VPS13B: variants seen among roughly 807,000 people sequenced by gnomAD.
VPS13B encodes the protein intermembrane lipid transfer protein VPS13B.
Under a neutral mutation model 426.4 loss-of-function variants are expected in VPS13B, and 285 were observed. The observed-to-expected ratio is 0.67, with a 90% CI of 0.61 to 0.74. The LOEUF (loss-of-function observed/expected upper bound fraction) is 0.74. Ranked by LOEUF, VPS13B falls within the 30% of genes least tolerant of loss-of-function variation. The probability of loss-of-function intolerance (pLI) is 0.00; values close to 1 mark genes in which losing one functional copy is unlikely to be tolerated. For synonymous variants in VPS13B, 1,676 were observed against 1,676.4 expected (o/e 1.00, Z 0.01); for missense variants, 4,537 against 4,782.6 (o/e 0.95, Z 1.51).
At chr8:99,277,516 T>G (rs1326581171) in intron 19 of VPS13B, among the ~76,000 whole-genome samples, 1 of 152,184 alleles carries the variant, frequency 6.6e-6, no homozygotes, top group Non-Finnish European at 1.5e-5. Context: ...TGATTGATGT[T>G]ATAGACAAGT....
chr8:99,492,469 CAGAGGTGGAGTCTAG>C (rs1035107251), intron 25 of VPS13B, among the ~76,000 whole-genome samples: 8 of 152,228 alleles, frequency 5.3e-5, no homozygotes, highest in Non-Finnish European at 1.0e-4. Flanking sequence ...GCCCTGCCCA[CAGAGGTGGAGTCTAG>C]AGAGGCAGTA....
intron 33 of VPS13B, among the ~76,000 whole-genome samples, chr8:99,598,201 G>A (rs1033035935): frequency 2.0e-5 from 3 of 152,094 alleles, no homozygotes; most frequent in Non-Finnish European, 2.9e-5. Context: ...GTTCAGATCC[G>A]TTTTAGTCTG....
chr8:99,360,666 C>CT (rs1274037215), intron 19 of VPS13B, among the ~76,000 whole-genome samples: 2 of 151,990 alleles, frequency 1.3e-5, no homozygotes, highest in Non-Finnish European at 2.9e-5. Flanking sequence ...TATGATTATA[C>CT]TTTTTTCATG....
intron 19 of VPS13B, among the ~76,000 whole-genome samples, chr8:99,345,298 A>G (rs1227935225): frequency 6.6e-6 from 1 of 152,154 alleles, no homozygotes; most frequent in Non-Finnish European, 1.5e-5. Context: ...CTTCTAGAGC[A>G]AATCTGCCCA....
chr8:99,637,308 A>G (rs1829111781), intron 33 of VPS13B, among the ~76,000 whole-genome samples: 5 of 152,020 alleles, frequency 3.3e-5, no homozygotes, highest in Admixed American at 3.3e-4. Context: ...AATATGTCTC[A>G]AAATCATCAG....
intron 3 of VPS13B, 40 bp from the exon 4 acceptor site, chr8:99,096,272 G>T: frequency 1.2e-6 from 2 of 1,611,424 alleles, no homozygotes; most frequent in Non-Finnish European, 1.7e-6. Context: ...TCTTGAGTAT[G>T]ATCGATGGTT....
Position 99,642,137 on chromosome 8 carries a change from A to G in VPS13B, c.5547A>G (p.Ser1849=), listed in dbSNP as rs1379595802. ...QKNNEKTDKS[S]LNLPEVDSDV... ...ATAATGAAAAAACAGACAAGAGTTC[A>G]TTAAATCTCCCAGAAGTTGATTCAG... The change falls in exon 34 of 62, where the codon TCA becomes TCG. Residue 1849 remains serine, a synonymous_variant. Coordinates refer to ENST00000357162, the MANE Select transcript of VPS13B (RefSeq NM_152564.5). 1 of 1,614,220 alleles carries G rather than the reference A, an allele frequency of 6.2e-7. No individual in the cohort carries two copies. Among genetic ancestry groups the G allele is most frequent in the Non-Finnish European group, 8.5e-7 (1 of 1,180,036 alleles).
intron 8 of VPS13B, among the ~76,000 whole-genome samples, chr8:99,122,665 C>A (rs1455353704): frequency 6.6e-6 from 1 of 152,130 alleles, no homozygotes; most frequent in Non-Finnish European, 1.5e-5. Context: ...ATTCATTCAA[C>A]AAATATTTTC....
At chr8:99,251,762 G>A (rs1588175445) in intron 17 of VPS13B, among the ~76,000 whole-genome samples, 1 of 152,058 alleles carries the variant, frequency 6.6e-6, no homozygotes, top group East Asian at 1.9e-4. Context: ...AATTCTTTAA[G>A]ATTTGGTAGA....
chr8:99,149,980 G>A (rs920819278), intron 14 of VPS13B, among the ~76,000 whole-genome samples: 4 of 152,084 alleles, frequency 2.6e-5, no homozygotes, highest in Admixed American at 6.6e-5. Flanking sequence ...ATTAATCTCC[G>A]ATGCCAGAAA....
In VPS13B at chr8:99,558,979, T is replaced by C. The variant is rs111276877; in HGVS notation, c.4949+2326T>C. On this transcript the variant is annotated intron_variant, in intron 31 of 61. Coordinates refer to ENST00000357162, the MANE Select transcript of VPS13B (RefSeq NM_152564.5). ...TTCTAGTTCTAGATCCTTGAGGAAT[T>C]GCCACACTGTCTTCCACAATGGTTG... 4.7e-4 allele frequency among the ~76,000 whole-genome samples: 72 copies of C among 152,300 alleles called. 1 individual carries two copies. The highest frequency in any genetic ancestry group is 3.9e-3 in the South Asian group (19 of 4,826).
At chr8:99,620,434 T>A (rs554672364) in intron 33 of VPS13B, among the ~76,000 whole-genome samples, 7 of 152,120 alleles carry the variant, frequency 4.6e-5, no homozygotes, top group Non-Finnish European at 7.4e-5. Flanking sequence ...CAAAGTATAA[T>A]GAAATATGTA....
At chr8:99,054,242 G>C (rs1347153700) in intron 3 of VPS13B, among the ~76,000 whole-genome samples, 1 of 152,112 alleles carries the variant, frequency 6.6e-6, no homozygotes, top group African/African-American at 2.4e-5. Context: ...CTTTTTTCAG[G>C]AATTTCCATA....
chr8:99,639,985 GTAATAATAATAA>G (rs58877812), intron 33 of VPS13B, among the ~76,000 whole-genome samples: 4,581 of 80,644 alleles, frequency 0.057, 216 homozygotes, highest in Non-Finnish European at 0.062. Flanking sequence ...TTTAAAAATA[GTAATAATAATAA>G]TAATAATAAT....
intron 21 of VPS13B, among the ~76,000 whole-genome samples, chr8:99,418,514 TC>T (rs548109675): frequency 0.011 from 1,421 of 130,850 alleles, 10 homozygotes; most frequent in African/African-American, 0.023. Context: ...TTTCTTTCTT[TC>T]CTTTCTTTCT....
intron 22 of VPS13B, among the ~76,000 whole-genome samples, chr8:99,432,278 C>T (rs1229163355): frequency 6.6e-6 from 1 of 152,050 alleles, no homozygotes; most frequent in Non-Finnish European, 1.5e-5. Flanking sequence ...ATACCAGAGA[C>T]ATCCTTATAG....
intron 21 of VPS13B, chr8:99,429,462 G>A (rs1237216031): frequency 2.0e-5 from 3 of 151,606 alleles, no homozygotes; most frequent in East Asian, 1.9e-4. Context: ...TTTTATAGTC[G>A]TTTATCTATT....
chr8:99,283,406 T>C (rs10089778), intron 19 of VPS13B, among the ~76,000 whole-genome samples: 9,301 of 152,262 alleles, frequency 0.061, 513 homozygotes, highest in African/African-American at 0.15. Flanking sequence ...GGGCTTTTGG[T>C]GCAAAAAATC....
At position 99,365,149 on chromosome 8, in the gene VPS13B, T is replaced by C. The variant is rs554648019; in HGVS notation, c.2825-19059T>C. On this transcript the variant is annotated intron_variant, in intron 19 of 61. Coordinates refer to ENST00000357162, the MANE Select transcript of VPS13B (RefSeq NM_152564.5). ...TCTCCTTTTTCATCTTTGATTTTAT[T>C]TGTATCTTACCTTTTTTTTTTTCTT... Among the ~76,000 whole-genome samples, 223 of 152,092 alleles carry C rather than the reference T, an allele frequency of 1.5e-3. 1 individual carries two copies. Among genetic ancestry groups the C allele is most frequent in the African/African-American group, 5.1e-3 (212 of 41,564 alleles).
Sources: gnomAD v4.1 joint callset for allele counts (sites outside exome capture counted in the v4.1 genomes callset) on GRCh38, gnomAD v4.1.1 for gene constraint, MANE v1.5 for transcripts, NCBI Gene and HGNC (gene_info 2026-07-23, HGNC 2026-07-21) for gene names.